The following HSD17B11 variants were observed in gnomAD, a reference collection of about 807,000 sequenced individuals.
HSD17B11 encodes estradiol 17-beta-dehydrogenase 11.
In HSD17B11, 22 loss-of-function variants were observed where a neutral mutation model predicts 27.8. That is an observed-to-expected ratio of 0.79 (90% CI 0.56 to 1.13). The LOEUF (loss-of-function observed/expected upper bound fraction) is 1.13. Among genes scored for constraint, HSD17B11 ranks in the 50% most tolerant of loss-of-function variants. The probability of loss-of-function intolerance (pLI) is 0.00; values close to 1 mark genes in which losing one functional copy is unlikely to be tolerated. For missense variants in HSD17B11, 314 were observed against 351.1 expected (o/e 0.89, Z 0.84); for synonymous variants, 117 against 132.8 (o/e 0.88, Z 0.82).
intron 5 of HSD17B11, among the ~76,000 whole-genome samples, chr4:87,353,127 G>T (rs1339686531): frequency 4.3e-5 from 6 of 139,382 alleles, no homozygotes; most frequent in Non-Finnish European, 7.6e-5. Context: ...TTCCTATTCG[G>T]CCATCTTGGC....
intron 3 of HSD17B11, 147 bp from the exon 4 acceptor site, chr4:87,372,962 TAAG>T (rs1735749501): frequency 3.3e-6 from 2 of 599,664 alleles, no homozygotes; most frequent in South Asian, 4.2e-5. Flanking sequence ...GCAGCAACAA[TAAG>T]GTGACTGGAT....
At chr4:87,339,072 TTGGTGCCTCTAATG>T (rs1277796545) in intron 6 of HSD17B11, among the ~76,000 whole-genome samples, 1 of 152,198 alleles carries the variant, frequency 6.6e-6, no homozygotes, top group African/African-American at 2.4e-5. Flanking sequence ...AACAAACATT[TTGGTGCCTCTAATG>T]TGTCAGTCAC....
intron 5 of HSD17B11, among the ~76,000 whole-genome samples, chr4:87,354,669 GAAA>G (rs1298748574): frequency 6.6e-6 from 1 of 150,536 alleles, no homozygotes; most frequent in African/African-American, 2.5e-5. Flanking sequence ...ATAAAAAAAG[GAAA>G]AAAATTAGAA....
At chr4:87,384,746 T>C (rs1034547101) in intron 1 of HSD17B11, among the ~76,000 whole-genome samples, 6 of 146,164 alleles carry the variant, frequency 4.1e-5, no homozygotes, top group Admixed American at 1.3e-4. Context: ...GAACCCTGTT[T>C]TCTGTTGTTT....
intron 4 of HSD17B11, among the ~76,000 whole-genome samples, chr4:87,372,350 A>T (rs6849382): frequency 0.36 from 54,261 of 151,568 alleles, 11,017 homozygotes; most frequent in African/African-American, 0.54. Flanking sequence ...AATATTAAAA[A>T]TTATAAATAT....
intron 4 of HSD17B11, among the ~76,000 whole-genome samples, chr4:87,362,277 G>C (rs1467554391): frequency 6.6e-6 from 1 of 152,248 alleles, no homozygotes; most frequent in East Asian, 1.9e-4. Flanking sequence ...GTAATCCCCA[G>C]CACTGTGGGA....
chr4:87,344,902 C>T (rs778245679), intron 5 of HSD17B11, among the ~76,000 whole-genome samples: 9 of 152,092 alleles, frequency 5.9e-5, no homozygotes, highest in African/African-American at 9.7e-5. Flanking sequence ...AGCAATGAGA[C>T]AAATGAGAAA....
intron 6 of HSD17B11, among the ~76,000 whole-genome samples, chr4:87,339,633 C>G (rs371469061): frequency 1.3e-5 from 2 of 152,216 alleles, no homozygotes; most frequent in African/African-American, 4.8e-5. Context: ...ATGTGGCCAG[C>G]CTCATTGCCA....
At chr4:87,385,833 T>C (rs1462338250) in intron 1 of HSD17B11, 1 of 151,176 alleles carries the variant, frequency 6.6e-6, no homozygotes. Flanking sequence ...GAGAATCACT[T>C]GAATCCGGGA....
chr4:87,343,873 G>GT (rs1239223470), intron 5 of HSD17B11, among the ~76,000 whole-genome samples: 3 of 152,060 alleles, frequency 2.0e-5, no homozygotes, highest in African/African-American at 7.2e-5. Flanking sequence ...TCAGGTTTTT[G>GT]TTTTTGTTAT....
At chr4:87,357,787 CTT>C (rs1735413846) in intron 4 of HSD17B11, among the ~76,000 whole-genome samples, 1 of 152,004 alleles carries the variant, frequency 6.6e-6, no homozygotes, top group Non-Finnish European at 1.5e-5. Flanking sequence ...TTGCTGAAAA[CTT>C]TTCCTGGATA....
intron 2 of HSD17B11, among the ~76,000 whole-genome samples, chr4:87,376,102 ACTG>A (rs1338686451): frequency 6.6e-6 from 1 of 152,242 alleles, no homozygotes; most frequent in Non-Finnish European, 1.5e-5. Flanking sequence ...CACACAGTAA[ACTG>A]CTATTACTAT....
intron 4 of HSD17B11, among the ~76,000 whole-genome samples, chr4:87,359,588 T>A (rs371678386): frequency 2.6e-5 from 4 of 152,320 alleles, no homozygotes; most frequent in African/African-American, 9.6e-5. Context: ...GGTTTCAAAC[T>A]CCTGGGGTTA....
chr4:87,372,598 G>C (rs573087392), intron 4 of HSD17B11, 111 bp downstream of exon 4: 1 of 670,586 alleles, frequency 1.5e-6, no homozygotes, highest in Admixed American at 2.9e-5. Flanking sequence ...TAATAAACTG[G>C]AAAACTTCAA....
intron 2 of HSD17B11, among the ~76,000 whole-genome samples, chr4:87,379,043 C>T (rs1437295261): frequency 6.4e-5 from 9 of 140,156 alleles, no homozygotes; most frequent in Middle Eastern, 7.2e-3. Flanking sequence ...CTACAACCTC[C>T]GCCTCCCAGG....
chr4:87,343,435 T>C lies in HSD17B11; in HGVS notation c.696-2829A>G, dbSNP rs75576911. On this transcript the variant is annotated intron_variant, in intron 5 of 6. Coordinates refer to ENST00000358290, the MANE Select transcript of HSD17B11 (RefSeq NM_016245.5). ...CTGGGGTGGGAAAGGAGGGTGCATGTTGGGGTAGAGAAATACTGAGGGGGA... is the reference window on the plus strand; with the variant it reads ...CTGGGGTGGGAAAGGAGGGTGCATGCTGGGGTAGAGAAATACTGAGGGGGA... Among the ~76,000 whole-genome samples, 226 of 152,156 alleles carry C rather than the reference T, an allele frequency of 1.5e-3. 2 individuals carry two copies. In the East Asian group the frequency reaches 0.036, roughly 24 times the overall value.
At chr4:87,378,930 A>C (rs1460082203) in intron 2 of HSD17B11, among the ~76,000 whole-genome samples, 1 of 8,928 alleles carries the variant, frequency 1.1e-4, no homozygotes, top group African/African-American at 6.3e-4. Flanking sequence ...ATATATATAA[A>C]TATATATATA....
Position 87,357,284 on chromosome 4 carries a change from A to G in HSD17B11, c.690T>C (p.Ser230=), listed in dbSNP as rs773946522. Residue 230 remains serine, a synonymous_variant, in exon 5 of 7, where the codon AGT becomes AGC. Coordinates refer to ENST00000358290, the MANE Select transcript of HSD17B11 (RefSeq NM_016245.5). Reference sequence around the variant, plus strand: ...GTCTCAATTTCTCAACTTACCTTGTACTTGGATTTTTGATGAAGCCAGTGT... The same window carrying G: ...GTCTCAATTTCTCAACTTACCTTGTGCTTGGATTTTTGATGAAGCCAGTGT... ...FVNTGFIKNP[S]TSLGPTLEPE... 8.7e-6 allele frequency: 14 copies of G among 1,611,612 alleles called. No homozygotes were observed. The African/African-American group carries it at 1.1e-4, about 12-fold the overall frequency.
chr4:87,363,749 G>T lies in HSD17B11; in HGVS notation c.558-6333C>A, dbSNP rs75536429. 4.4e-3 allele frequency among the ~76,000 whole-genome samples: 673 copies of T among 152,276 alleles called. 5 individuals carry two copies. The highest frequency in any genetic ancestry group is 0.016 in the African/African-American group (655 of 41,526). On this transcript the variant is annotated intron_variant, in intron 4 of 6. Coordinates refer to ENST00000358290, the MANE Select transcript of HSD17B11 (RefSeq NM_016245.5). ...TGAGAAAAGAAATAGACACTGCCCA[G>T]ACCTGTAGCTCAGTAGCTAAGGTTT...
Sources: allele counts gnomAD v4.1 joint callset (sites outside exome capture counted in the v4.1 genomes callset), GRCh38; gene constraint gnomAD v4.1.1; transcripts MANE v1.5; gene names NCBI Gene and HGNC (gene_info 2026-07-23, HGNC 2026-07-21).